Variants in TPST2 observed in about 807,000 individuals in gnomAD.
TPST2 encodes the protein protein-tyrosine sulfotransferase 2.
Under a neutral mutation model 27.8 loss-of-function variants are expected in TPST2, and 16 were observed. That is an observed-to-expected ratio of 0.58 (90% CI 0.39 to 0.88). TPST2 has a LOEUF of 0.88. Ranked by LOEUF, TPST2 falls within the 40% of genes least tolerant of loss-of-function variation. The pLI is 0.00. For synonymous variants in TPST2, 229 were observed against 231.7 expected (o/e 0.99, Z 0.10); for missense variants, 464 against 543.1 (o/e 0.85, Z 1.45).
chr22:26,571,853 C>T (rs1478327288), intron 1 of TPST2, among the ~76,000 whole-genome samples: 4 of 152,174 alleles, frequency 2.6e-5, no homozygotes, highest in Admixed American at 2.0e-4. Flanking sequence ...GCATTACACT[C>T]AACACCCCCA....
At chr22:26,585,471 G>T (rs2145943260) in intron 1 of TPST2, among the ~76,000 whole-genome samples, 1 of 152,288 alleles carries the variant, frequency 6.6e-6, no homozygotes, top group Admixed American at 6.5e-5. Flanking sequence ...GACCTGAGAA[G>T]TGACGGGAGG....
intron 1 of TPST2, among the ~76,000 whole-genome samples, chr22:26,561,318 C>A (rs3966171): frequency 0.29 from 43,391 of 151,950 alleles, 6,549 homozygotes; most frequent in South Asian, 0.41. Flanking sequence ...AACACACTAC[C>A]GAATGTGTCT....
chr22:26,555,110 G>T, intron 1 of TPST2: 1 of 525,384 alleles, frequency 1.9e-6, no homozygotes. Flanking sequence ...GAAGAGGCAA[G>T]GTGGAGCTGA....
chr22:26,582,284 G>A (rs546485033), intron 1 of TPST2, among the ~76,000 whole-genome samples: 31 of 152,088 alleles, frequency 2.0e-4, no homozygotes, highest in Non-Finnish European at 4.3e-4. Flanking sequence ...AAAATTAGCC[G>A]GGCATGGTGG....
Position 26,536,486 on chromosome 22 carries a change from C to T in TPST2, c.843G>A (p.Lys281=), listed in dbSNP as rs1461161203. 1 of 1,521,090 alleles carries T rather than the reference C, an allele frequency of 6.6e-7. No homozygotes were observed. The highest frequency in any genetic ancestry group is 8.8e-7 in the Non-Finnish European group (1 of 1,134,878). 94.2% of individuals were successfully genotyped at this position (1,521,090 alleles called of 1,614,324 possible). ...TGACCTGGTCCGTGGACCGCTCGATCCTGGGGAGAGAGGAGACGCTGGAGA... is the reference window on the plus strand; with the variant it reads ...TGACCTGGTCCGTGGACCGCTCGATTCTGGGGAGAGAGGAGACGCTGGAGA... ...IGKPGGVSLS[K]IERSTDQVIK... The change falls in exon 4 of 7, where the codon AAG becomes AAA. Residue 281 remains lysine, a splice_region_variant and synonymous_variant. Coordinates refer to ENST00000338754, the MANE Select transcript of TPST2 (RefSeq NM_003595.5).
intron 1 of TPST2, among the ~76,000 whole-genome samples, chr22:26,563,493 T>C (rs562281084): frequency 2.3e-4 from 35 of 152,064 alleles, no homozygotes; most frequent in South Asian, 1.0e-3. Flanking sequence ...CACGCCCGGC[T>C]AATTTTTTTG....
At chr22:26,546,512 C>T (rs1286538970) in intron 1 of TPST2, among the ~76,000 whole-genome samples, 1 of 152,266 alleles carries the variant, frequency 6.6e-6, no homozygotes, top group Middle Eastern at 3.2e-3. Flanking sequence ...GCCAGCCAGG[C>T]AGCTCCCATG....
At chr22:26,574,711 G>A (rs1447852365) in intron 1 of TPST2, among the ~76,000 whole-genome samples, 2 of 152,154 alleles carry the variant, frequency 1.3e-5, no homozygotes, top group South Asian at 2.1e-4. Flanking sequence ...GCGACAGTGA[G>A]CAACTGCATC....
In TPST2 at chr22:26,551,390, T is replaced by C. The variant is rs561960186; in HGVS notation, c.-160-6715A>G. Among the ~76,000 whole-genome samples the C allele has an allele frequency of 4.6e-4, 70 of 152,282 alleles. 2 individuals are homozygous for C. The South Asian group carries it at 0.014, about 31-fold the overall frequency. On this transcript the variant is annotated intron_variant, in intron 1 of 6. Transcript: ENST00000338754. The stretch of plus-strand genomic sequence containing the variant: ...GTTTTACATATATCATTGCATTTTG[T>C]CTTAACCATTGACCCTATTTGACCC...
intron 1 of TPST2, among the ~76,000 whole-genome samples, chr22:26,557,796 C>T (rs1278348490): frequency 1.3e-5 from 2 of 150,624 alleles, no homozygotes; most frequent in Admixed American, 6.6e-5. Context: ...TCTGTAATCT[C>T]AGCACTTCAG....
chr22:26,556,595 T>C (rs1312147139), intron 1 of TPST2, among the ~76,000 whole-genome samples: 1 of 152,190 alleles, frequency 6.6e-6, no homozygotes, highest in Non-Finnish European at 1.5e-5. Context: ...ACTACTGTGA[T>C]TTATCACCTA....
rs551516485 is a variant in TPST2, at chr22:26,586,030, G to A, written c.-161+4023C>T. On this transcript the variant is annotated intron_variant, in intron 1 of 6. Transcript: ENST00000338754. ...TGCACTCCAGCCTGGACAACACAGCGAAACTCCGTCTCAAAAATAATAATA... is the reference window on the plus strand; with the variant it reads ...TGCACTCCAGCCTGGACAACACAGCAAAACTCCGTCTCAAAAATAATAATA... Among the ~76,000 whole-genome samples the A allele has an allele frequency of 4.6e-5, 7 of 152,106 alleles. No individual in the cohort carries two copies. The East Asian group carries it at 9.7e-4, about 21-fold the overall frequency.
At chr22:26,556,851 G>A (rs1926828889) in intron 1 of TPST2, among the ~76,000 whole-genome samples, 2 of 152,178 alleles carry the variant, frequency 1.3e-5, no homozygotes, top group Admixed American at 1.3e-4. Flanking sequence ...AAACACAAGA[G>A]CAGTAGGGAT....
chr22:26,554,594 T>C (rs1444847047), intron 1 of TPST2, among the ~76,000 whole-genome samples: 2 of 152,194 alleles, frequency 1.3e-5, no homozygotes, highest in Non-Finnish European at 2.9e-5. Flanking sequence ...CTAACTACTT[T>C]GTGCCTCACT....
intron 1 of TPST2, among the ~76,000 whole-genome samples, chr22:26,560,352 G>A (rs1927020245): frequency 6.6e-6 from 1 of 152,158 alleles, no homozygotes; most frequent in African/African-American, 2.4e-5. Flanking sequence ...TGGTCATCAG[G>A]TTCCTCATTT....
At chr22:26,576,352 G>C (rs1332080101) in intron 1 of TPST2, among the ~76,000 whole-genome samples, 2 of 152,272 alleles carry the variant, frequency 1.3e-5, no homozygotes, top group East Asian at 3.9e-4. Context: ...AGATCTACAG[G>C]AGCCTGAGGG....
chr22:26,585,790 C>T (rs1731524587), intron 1 of TPST2, among the ~76,000 whole-genome samples: 1 of 152,182 alleles, frequency 6.6e-6, no homozygotes, highest in Non-Finnish European at 1.5e-5. Flanking sequence ...GTGGCTCACA[C>T]CTGTAATCCT....
chr22:26,583,436 C>CAA lies in TPST2; in HGVS notation c.-161+6615_-161+6616dup, dbSNP rs775047318. On this transcript the variant is annotated intron_variant, in intron 1 of 6. Transcript: ENST00000338754. ...TGGGCGACAGAAGGAAACTCCATCT[C>CAA]AAAAAAAAAAAAAAAAAAAATGCCT... is the stretch of plus-strand genomic sequence containing the variant. 4.4e-3 allele frequency among the ~76,000 whole-genome samples: 281 copies of CAA among 63,610 alleles called. 6 individuals carry two copies. Among genetic ancestry groups the CAA allele is most frequent in the African/African-American group, 0.013 (202 of 15,104 alleles). 41.7% of individuals were successfully genotyped at this position (63,610 alleles called of 152,430 possible).
intron 1 of TPST2, among the ~76,000 whole-genome samples, chr22:26,560,179 G>T (rs981476767): frequency 6.6e-6 from 1 of 152,088 alleles, no homozygotes; most frequent in Non-Finnish European, 1.5e-5. Context: ...ACCTGGCTGG[G>T]TTCTTCCCAT....
Sources: allele counts gnomAD v4.1 joint callset (sites outside exome capture counted in the v4.1 genomes callset), GRCh38; gene constraint gnomAD v4.1.1; transcripts MANE v1.5; gene names NCBI Gene and HGNC (gene_info 2026-07-23, HGNC 2026-07-21).